Variants in OVCH1 observed in about 807,000 individuals in gnomAD.
The protein encoded by OVCH1 is ovochymase-1.
A neutral mutation model predicts 138.4 loss-of-function variants in OVCH1; 139 were observed. That is an observed-to-expected ratio of 1.00 (90% CI 0.87 to 1.16). The LOEUF (loss-of-function observed/expected upper bound fraction) is 1.16, where lower values mean the gene tolerates loss of function less well. Among genes scored for constraint, OVCH1 ranks in the 50% most tolerant of loss-of-function variants. OVCH1 has a pLI of 0.00. For missense variants in OVCH1, 1,367 were observed against 1,357.9 expected (o/e 1.01, Z -0.11); for synonymous variants, 453 against 467.8 (o/e 0.97, Z 0.41).
In OVCH1 at chr12:29,471,166, G is replaced by A. The variant is rs561665198; in HGVS notation, c.1856+636C>T. Among the ~76,000 whole-genome samples, 4 of 152,124 alleles carry A rather than the reference G, an allele frequency of 2.6e-5. No homozygotes were observed. The South Asian group carries it at 8.3e-4, about 32-fold the overall frequency. Reference sequence around the variant, plus strand: ...AGATTCTTCCTAAACTGGATGCTGGGAATACAAATGCTCATTTAACATTAA... The same window carrying A: ...AGATTCTTCCTAAACTGGATGCTGGAAATACAAATGCTCATTTAACATTAA... On this transcript the variant is annotated intron_variant, in intron 16 of 27. Coordinates refer to ENST00000318184, the Ensembl canonical transcript of OVCH1.
intron 5 of OVCH1, among the ~76,000 whole-genome samples, chr12:29,490,595 C>A (rs1426350447): frequency 1.3e-5 from 2 of 152,134 alleles, no homozygotes; most frequent in East Asian, 3.9e-4. Context: ...ACTCTCTTGG[C>A]AAATTTCAAG....
the OVCH1 span, among the ~76,000 whole-genome samples, chr12:29,402,546 G>C: frequency 5.3e-5 from 8 of 151,908 alleles, no homozygotes; most frequent in African/African-American, 1.9e-4. Flanking sequence ...AAGGGGAAGG[G>C]AGGTTGGTTG....
At chr12:29,475,877 C>A (rs1942690637) in intron 13 of OVCH1, among the ~76,000 whole-genome samples, 1 of 152,058 alleles carries the variant, frequency 6.6e-6, no homozygotes, top group Non-Finnish European at 1.5e-5. Flanking sequence ...ACACAAATAC[C>A]AAAATATCAG....
At chr12:29,466,490 G>A (rs1942326412) in intron 16 of OVCH1, among the ~76,000 whole-genome samples, 1 of 149,438 alleles carries the variant, frequency 6.7e-6, no homozygotes, top group African/African-American at 2.6e-5. Context: ...GTCATCTTTT[G>A]TTAAATCAGA....
intron 12 of OVCH1, among the ~76,000 whole-genome samples, chr12:29,476,749 A>ACGCGCGTG (rs1942733209): frequency 5.8e-5 from 1 of 17,160 alleles, no homozygotes; most frequent in Admixed American, 8.3e-4. Context: ...ATAAGTACAC[A>ACGCGCGTG]CGCGCGCACA....
intron 27 of OVCH1, among the ~76,000 whole-genome samples, chr12:29,429,090 C>T (rs770758204): frequency 7.9e-5 from 12 of 152,258 alleles, no homozygotes; most frequent in Non-Finnish European, 1.8e-4. Flanking sequence ...ATTATTCTGG[C>T]TAATGGAACT....
chr12:29,473,947 G>T (rs1942604185), intron 14 of OVCH1, among the ~76,000 whole-genome samples: 1 of 152,018 alleles, frequency 6.6e-6, no homozygotes, highest in Admixed American at 6.6e-5. Flanking sequence ...TCCTGCCCTA[G>T]AACACTGGAC....
Position 29,473,112 on chromosome 12 carries a change from GA to G in OVCH1, c.1601-10del, listed in dbSNP as rs577076897. 8.1e-5 allele frequency: 126 copies of G among 1,559,246 alleles called. 1 individual carries two copies. The highest frequency in any genetic ancestry group is 4.4e-4 in the Admixed American group (25 of 56,500). Reference sequence around the variant, plus strand: ...AAATTTGTTTAAAGACTCTGTAGAAGAAAAAAAAATTAATTGAAAGTAATTA... The same window carrying G: ...AAATTTGTTTAAAGACTCTGTAGAAGAAAAAAAATTAATTGAAAGTAATTA... On this transcript the variant is annotated splice_polypyrimidine_tract_variant and intron_variant, in intron 14 of 27. Transcript: ENST00000318184.
At chr12:29,446,347 C>G (rs1373474755) in intron 22 of OVCH1, among the ~76,000 whole-genome samples, 3 of 151,996 alleles carry the variant, frequency 2.0e-5, no homozygotes, top group Admixed American at 6.6e-5. Flanking sequence ...TGGTGAAATA[C>G]TATTTGAAGA....
chr12:29,486,300 G>T (rs761359596), exon 8 of OVCH1: 1 of 1,613,772 alleles, frequency 6.2e-7, no homozygotes. Flanking sequence ...CAGGGCCTTT[G>T]TTATATACCT....
chr12:29,489,695 C>T (rs745840232), exon 6 of OVCH1: 2 of 1,610,320 alleles, frequency 1.2e-6, no homozygotes, highest in Non-Finnish European at 8.5e-7. Flanking sequence ...GGTTCATGCT[C>T]TTGAGCACAG....
chr12:29,489,398 C>G lies in OVCH1; in HGVS notation c.702+222G>C, dbSNP rs548592202. Among the ~76,000 whole-genome samples the G allele has an allele frequency of 2.8e-3, 424 of 152,180 alleles. 4 individuals carry two copies. The highest frequency in any genetic ancestry group is 8.9e-3 in the African/African-American group (370 of 41,524). On this transcript the variant is annotated intron_variant, in intron 6 of 27. Transcript: ENST00000318184. ...GAAACTAACCCCTTTTGCCAACCCA[C>G]CGAAATAAAAGAAGTGTAGGGGTAG... is the stretch of plus-strand genomic sequence containing the variant.
downstream of OVCH1, among the ~76,000 whole-genome samples, chr12:29,427,119 A>G (rs1300215669): frequency 6.6e-6 from 1 of 152,184 alleles, no homozygotes; most frequent in African/African-American, 2.4e-5. Context: ...AATTGGAGAA[A>G]GCCTCTCTGC....
intron 16 of OVCH1, among the ~76,000 whole-genome samples, chr12:29,469,600 T>C (rs555805296): frequency 8.4e-4 from 128 of 151,648 alleles, no homozygotes; most frequent in African/African-American, 3.0e-3. Flanking sequence ...GTCAGGAAAG[T>C]GGGGCACTGT....
At chr12:29,464,980 A>T (rs1942267081) in intron 17 of OVCH1, among the ~76,000 whole-genome samples, 167 bp downstream of exon 17, 1 of 152,182 alleles carries the variant, frequency 6.6e-6, no homozygotes, top group African/African-American at 2.4e-5. Flanking sequence ...GCAATTCTCA[A>T]GTGAAAATGT....
chr12:29,423,432 C>G (rs1030838279), downstream of OVCH1: 2 of 376,828 alleles, frequency 5.3e-6, no homozygotes, highest in Non-Finnish European at 1.0e-5. Flanking sequence ...AATACAAGAT[C>G]AAGATTTGTA....
intron 16 of OVCH1, among the ~76,000 whole-genome samples, chr12:29,470,461 A>ATTTTTTTTTTT (rs1942465587): frequency 1.3e-5 from 2 of 152,134 alleles, no homozygotes; most frequent in Non-Finnish European, 2.9e-5. Flanking sequence ...GAGTGAGAAC[A>ATTTTTTTTTTT]TGCATTGTTT....
At chr12:29,464,132 T>G (rs986287616) in intron 18 of OVCH1, among the ~76,000 whole-genome samples, 1 of 152,178 alleles carries the variant, frequency 6.6e-6, no homozygotes, top group African/African-American at 2.4e-5. Flanking sequence ...AATTTAAATT[T>G]TATAAATTAA....
At chr12:29,404,824 C>G in the OVCH1 span, among the ~76,000 whole-genome samples, 2 of 151,800 alleles carry the variant, frequency 1.3e-5, no homozygotes, top group African/African-American at 2.4e-5. Context: ...AGTTCGAGAC[C>G]AGTCTGGCCA....
Sources: gnomAD v4.1 joint callset for allele counts (sites outside exome capture counted in the v4.1 genomes callset) on GRCh38, gnomAD v4.1.1 for gene constraint, MANE v1.5 for transcripts, NCBI Gene and HGNC (gene_info 2026-07-23, HGNC 2026-07-21) for gene names.